Variants in TRPS1 observed in about 807,000 individuals in gnomAD.
TRPS1 encodes the protein zinc finger transcription factor Trps1.
A neutral mutation model predicts 101.2 loss-of-function variants in TRPS1; 6 were observed. The observed-to-expected ratio is 0.06, with a 90% CI of 0.03 to 0.12. TRPS1 has a LOEUF of 0.12. Among genes scored for constraint, TRPS1 ranks in the 10% least tolerant of loss-of-function variants. TRPS1 has a pLI of 1.00. For synonymous variants in TRPS1, 578 were observed against 589.8 expected (o/e 0.98, Z 0.29); for missense variants, 1,363 against 1,567.0 (o/e 0.87, Z 2.20).
At chr8:115,421,555 G>A (rs550858481) in intron 5 of TRPS1, among the ~76,000 whole-genome samples, 15 of 152,220 alleles carry the variant, frequency 9.9e-5, no homozygotes, top group African/African-American at 1.9e-4. Flanking sequence ...CTAGGTGTTC[G>A]CACCTAGAAT....
chr8:115,499,959 CTTTCTTTTCTTTTCT>C (rs147174443), intron 5 of TRPS1, among the ~76,000 whole-genome samples: 21 of 60,126 alleles, frequency 3.5e-4, no homozygotes, highest in East Asian at 9.3e-4. Flanking sequence ...TTCTTTCTTT[CTTTCTTTTCTTTTCT>C]TTTCTTTTCT....
intron 5 of TRPS1, among the ~76,000 whole-genome samples, chr8:115,495,955 G>A (rs1330447428): frequency 6.6e-6 from 1 of 152,076 alleles, no homozygotes; most frequent in Non-Finnish European, 1.5e-5. Flanking sequence ...CTTCTTCCTG[G>A]ATGATCATTT....
At chr8:115,665,327 A>T (rs1563679329) in intron 1 of TRPS1, among the ~76,000 whole-genome samples, 1 of 152,204 alleles carries the variant, frequency 6.6e-6, no homozygotes, top group Non-Finnish European at 1.5e-5. Flanking sequence ...ACACATCATT[A>T]ATCACATATT....
At chr8:115,642,782 C>G (rs1459719201) in intron 1 of TRPS1, among the ~76,000 whole-genome samples, 3 of 150,030 alleles carry the variant, frequency 2.0e-5, no homozygotes, top group African/African-American at 7.3e-5. Context: ...TTTTATTATT[C>G]CCCAAAAAGA....
chr8:115,659,504 A>T (rs1376745286), intron 1 of TRPS1, among the ~76,000 whole-genome samples: 1 of 151,908 alleles, frequency 6.6e-6, no homozygotes, highest in Admixed American at 6.6e-5. Context: ...AGAATTATGA[A>T]TCATACAACA....
intron 5 of TRPS1, among the ~76,000 whole-genome samples, chr8:115,580,248 ATAT>A (rs1817413584): frequency 7.6e-6 from 1 of 130,726 alleles, no homozygotes; most frequent in African/African-American, 3.0e-5. Flanking sequence ...AAAAAAAAAT[ATAT>A]ATATATATAT....
chr8:115,601,283 A>G (rs1817901307), intron 4 of TRPS1, among the ~76,000 whole-genome samples: 1 of 152,234 alleles, frequency 6.6e-6, no homozygotes, highest in East Asian at 1.9e-4. Flanking sequence ...AAATTAAATT[A>G]TAAAGATACT....
intron 3 of TRPS1, among the ~76,000 whole-genome samples, chr8:115,618,368 G>A (rs1044464294): frequency 2.0e-5 from 3 of 152,028 alleles, no homozygotes; most frequent in African/African-American, 7.2e-5. Flanking sequence ...ATTCAAAATG[G>A]TAACAGTTTC....
intron 5 of TRPS1, among the ~76,000 whole-genome samples, chr8:115,495,738 C>T (rs1485696469): frequency 1.3e-5 from 2 of 151,506 alleles, no homozygotes; most frequent in African/African-American, 4.8e-5. Flanking sequence ...TTTTGCAGAA[C>T]TAAAAGGCCA....
At chr8:115,464,789 A>G (rs143529116) in intron 5 of TRPS1, among the ~76,000 whole-genome samples, 2 of 152,120 alleles carry the variant, frequency 1.3e-5, no homozygotes, top group Admixed American at 6.6e-5. Flanking sequence ...TGTGTGCCTT[A>G]AATTTTTTCT....
chr8:115,519,590 A>C (rs1815807714), intron 5 of TRPS1, among the ~76,000 whole-genome samples: 1 of 151,550 alleles, frequency 6.6e-6, no homozygotes. Flanking sequence ...TACACAATAG[A>C]TGTGGTGCCA....
intron 5 of TRPS1, among the ~76,000 whole-genome samples, chr8:115,566,057 C>A (rs1817060318): frequency 6.6e-6 from 1 of 152,088 alleles, no homozygotes; most frequent in Non-Finnish European, 1.5e-5. Flanking sequence ...TGGCCATATC[C>A]TATTTTAAAG....
At chr8:115,500,230 A>G (rs1158461009) in intron 5 of TRPS1, among the ~76,000 whole-genome samples, 1 of 151,894 alleles carries the variant, frequency 6.6e-6, no homozygotes. Context: ...GGGTTTCACC[A>G]CGTTGGCCAG....
chr8:115,650,675 AT>A (rs2130608858), intron 1 of TRPS1, among the ~76,000 whole-genome samples: 1 of 152,376 alleles, frequency 6.6e-6, no homozygotes, highest in Non-Finnish European at 1.5e-5. Flanking sequence ...AAAATCAAAC[AT>A]TCAAAGAAAT....
intron 5 of TRPS1, among the ~76,000 whole-genome samples, chr8:115,466,696 T>TC (rs1323933267): frequency 6.6e-6 from 1 of 152,076 alleles, no homozygotes; most frequent in Non-Finnish European, 1.5e-5. Flanking sequence ...CACACAGCCA[T>TC]TTGAGTAGGG....
intron 5 of TRPS1, among the ~76,000 whole-genome samples, chr8:115,522,054 G>A (rs1053021627): frequency 6.6e-6 from 1 of 151,860 alleles, no homozygotes; most frequent in African/African-American, 2.4e-5. Flanking sequence ...TCAACAATAA[G>A]TATGTGCTGT....
chr8:115,588,964 G>A (rs976669134), intron 4 of TRPS1, among the ~76,000 whole-genome samples: 1 of 152,180 alleles, frequency 6.6e-6, no homozygotes, highest in African/African-American at 2.4e-5. Context: ...AGTCTATTAA[G>A]TACAAAGAGT....
intron 3 of TRPS1, among the ~76,000 whole-genome samples, chr8:115,618,146 T>C (rs1818311588): frequency 6.6e-6 from 1 of 152,178 alleles, no homozygotes; most frequent in Non-Finnish European, 1.5e-5. Context: ...TTTATTTCAT[T>C]AGTTCTCTGG....
intron 5 of TRPS1, among the ~76,000 whole-genome samples, chr8:115,536,226 A>T (rs1816315297): frequency 6.6e-6 from 1 of 151,862 alleles, no homozygotes; most frequent in Non-Finnish European, 1.5e-5. Flanking sequence ...TACCATAAAA[A>T]TAGTATTTCA....
Sources: gnomAD v4.1 joint callset for allele counts (sites outside exome capture counted in the v4.1 genomes callset) on GRCh38, gnomAD v4.1.1 for gene constraint, MANE v1.5 for transcripts, NCBI Gene and HGNC (gene_info 2026-07-23, HGNC 2026-07-21) for gene names.